Variants in USP32 observed in about 807,000 individuals in gnomAD.
USP32 encodes ubiquitin specific peptidase 32.
USP32 carries 59 observed loss-of-function variants against 204.8 expected under a neutral mutation model. The observed-to-expected ratio is 0.29, with a 90% CI of 0.23 to 0.36. The LOEUF is 0.36. USP32 is among the 10% of genes least tolerant of loss of function. The pLI is 1.00. For missense variants in USP32, 1,160 were observed against 1,946.4 expected, an observed-to-expected ratio of 0.60 and a Z score of 7.60; for synonymous variants, 517 against 678.4, an observed-to-expected ratio of 0.76 and a Z score of 3.70.
chr17:60,246,812 T>A (rs1370984287), intron 11 of USP32, among the ~76,000 whole-genome samples: 1 of 152,210 alleles, frequency 6.6e-6, no homozygotes, highest in East Asian at 1.9e-4. Context: ...TTTTCATATA[T>A]CTGCTGGCCA....
chr17:60,235,587 G>A (rs2085702059), intron 12 of USP32, among the ~76,000 whole-genome samples: 1 of 152,068 alleles, frequency 6.6e-6, no homozygotes, highest in Middle Eastern at 3.2e-3. Context: ...TATATCAGTT[G>A]GCTCTCCAAG....
chr17:60,235,363 A>G (rs1174449305), intron 12 of USP32, among the ~76,000 whole-genome samples: 1 of 152,218 alleles, frequency 6.6e-6, no homozygotes, highest in Non-Finnish European at 1.5e-5. Context: ...CAGAGACACC[A>G]AAGTCCGTGT....
chr17:60,326,078 G>A (rs187299167), intron 2 of USP32, among the ~76,000 whole-genome samples: 1 of 151,708 alleles, frequency 6.6e-6, no homozygotes, highest in East Asian at 1.9e-4. Context: ...ATAAAATTGA[G>A]CTAGGTAAGG....
At chr17:60,202,419 A>C (rs1304216750) in intron 26 of USP32, among the ~76,000 whole-genome samples, 3 of 151,112 alleles carry the variant, frequency 2.0e-5, no homozygotes, top group Non-Finnish European at 4.4e-5. Context: ...TTGTATTTCC[A>C]CATATGAGAA....
At chr17:60,213,772 C>A in intron 17 of USP32, 110 bp from the exon 18 acceptor site, 1 of 1,280,980 alleles carries the variant, frequency 7.8e-7, no homozygotes, top group South Asian at 1.6e-5. Context: ...AGTTATATAA[C>A]ATATCACAAA....
At chr17:60,314,292 C>T (rs1347783104) in intron 2 of USP32, among the ~76,000 whole-genome samples, 1 of 151,756 alleles carries the variant, frequency 6.6e-6, no homozygotes. Context: ...CAGGTGTATA[C>T]CACTACTCCT....
intron 1 of USP32, chr17:60,421,881 G>A (rs1256093113): frequency 1.0e-6 from 1 of 985,342 alleles, no homozygotes; most frequent in African/African-American, 1.7e-5. Context: ...ACTTGCCCGC[G>A]TCTCAGCGCC....
intron 5 of USP32, among the ~76,000 whole-genome samples, chr17:60,275,915 A>T (rs1470830312): frequency 2.4e-5 from 3 of 122,558 alleles, no homozygotes; most frequent in Admixed American, 7.6e-5. Flanking sequence ...GTCTCTATTT[A>T]AAAAAAAAAA....
At chr17:60,354,271 C>T (rs2089018685) in intron 1 of USP32, among the ~76,000 whole-genome samples, 2 of 152,124 alleles carry the variant, frequency 1.3e-5, no homozygotes, top group Admixed American at 1.3e-4. Context: ...AGAGCAAAGA[C>T]CAAGTCTATT....
chr17:60,250,084 TA>T (rs890445885), intron 11 of USP32, among the ~76,000 whole-genome samples: 9 of 152,136 alleles, frequency 5.9e-5, no homozygotes, highest in African/African-American at 2.2e-4. Flanking sequence ...CTAGACTTAT[TA>T]AAAAATACAA....
chr17:60,402,613 G>T (rs2089944841), intron 1 of USP32, among the ~76,000 whole-genome samples: 1 of 152,318 alleles, frequency 6.6e-6, no homozygotes, highest in Non-Finnish European at 1.5e-5. Flanking sequence ...AGCACAGTAT[G>T]CATTACTTTG....
chr17:60,195,721 G>T (rs1171100544), intron 27 of USP32, among the ~76,000 whole-genome samples: 3 of 152,158 alleles, frequency 2.0e-5, no homozygotes, highest in South Asian at 4.1e-4. Flanking sequence ...TTCATGTATA[G>T]ATGATGGGAA....
At chr17:60,231,392 T>C (rs144696163) in intron 12 of USP32, 1 of 317,676 alleles carries the variant, frequency 3.1e-6, no homozygotes, top group Non-Finnish European at 6.6e-6. Flanking sequence ...GAGTGCTAGA[T>C]AAAGTAATAA....
intron 1 of USP32, chr17:60,421,783 C>A: frequency 1.1e-6 from 1 of 935,020 alleles, no homozygotes; most frequent in Non-Finnish European, 1.3e-6. Flanking sequence ...CCCTGGAGGG[C>A]TCGCGGGTAG....
intron 5 of USP32, among the ~76,000 whole-genome samples, chr17:60,287,555 A>T (rs2087147923): frequency 6.7e-6 from 1 of 149,068 alleles, no homozygotes; most frequent in South Asian, 2.1e-4. Flanking sequence ...TGGTGTAGAT[A>T]TGTGATTTTT....
chr17:60,363,114 A>AC (rs1416893227), intron 1 of USP32, among the ~76,000 whole-genome samples: 4 of 151,778 alleles, frequency 2.6e-5, no homozygotes, highest in African/African-American at 9.7e-5. Context: ...ACACAGTGAG[A>AC]CCCCATCTCT....
At chr17:60,290,897 T>G (rs1418410625) in intron 4 of USP32, among the ~76,000 whole-genome samples, 1 of 152,220 alleles carries the variant, frequency 6.6e-6, no homozygotes, top group African/African-American at 2.4e-5. Context: ...TTTGTGGAAC[T>G]AATCCCTCAA....
intron 2 of USP32, 84 bp downstream of exon 2, chr17:60,345,397 G>C: frequency 6.5e-7 from 1 of 1,550,010 alleles, no homozygotes; most frequent in Non-Finnish European, 8.7e-7. Context: ...GATTAAATCT[G>C]TTAAGAGCAG....
At chr17:60,378,140 TGAATA>T (rs1392994613) in intron 1 of USP32, among the ~76,000 whole-genome samples, 2 of 151,992 alleles carry the variant, frequency 1.3e-5, no homozygotes, top group African/African-American at 2.4e-5. Context: ...GGCAAAGGAT[TGAATA>T]GACATGTCTC....
Sources: gnomAD v4.1 joint callset for allele counts (sites outside exome capture counted in the v4.1 genomes callset) on GRCh38, gnomAD v4.1.1 for gene constraint, MANE v1.5 for transcripts, NCBI Gene and HGNC (gene_info 2026-07-23, HGNC 2026-07-21) for gene names.